Variants in HDAC4 observed in about 807,000 individuals in gnomAD.
HDAC4 encodes histone deacetylase 4.
Under a neutral mutation model 135.1 loss-of-function variants are expected in HDAC4, and 16 were observed. The observed-to-expected ratio is 0.12, with a 90% CI of 0.08 to 0.18. The LOEUF (loss-of-function observed/expected upper bound fraction) is 0.18, where lower values mean the gene tolerates loss of function less well. Ranked by LOEUF, HDAC4 falls within the 10% of genes least tolerant of loss-of-function variation. The pLI is 1.00. For missense variants in HDAC4, 1,143 were observed against 1,511.8 expected, an observed-to-expected ratio of 0.76 and a Z score of 4.05; for synonymous variants, 685 against 653.4, an observed-to-expected ratio of 1.05 and a Z score of -0.74.
rs1298461346 is a variant in HDAC4, at chr2:239,052,899, A to G, written c.*198T>C. The G allele has an allele frequency of 1.6e-6, 1 of 636,622 alleles. No homozygotes were observed. Among genetic ancestry groups the G allele is most frequent in the African/African-American group, 1.8e-5 (1 of 54,884 alleles). 39.4% of individuals were successfully genotyped at this position (636,622 alleles called of 1,614,324 possible). ...GTCCCGTGTTCCCTGTGAGGCTGCC[A>G]CGCCCAGGCGTGCATGTGCGTCTCG... On this transcript the variant is annotated 3_prime_UTR_variant, in exon 27 of 27. Coordinates refer to ENST00000543185, the MANE Select transcript of HDAC4 (RefSeq NM_001378414.1).
rs148936932 is a variant in HDAC4, at chr2:239,117,037, A to G, written c.1534-1727T>C. Among the ~76,000 whole-genome samples, 786 of 152,278 alleles carry G rather than the reference A, an allele frequency of 5.2e-3. 14 individuals are homozygous for G. Among genetic ancestry groups the G allele is most frequent in the African/African-American group, 0.018 (768 of 41,544 alleles). ...GGTAGGGACCACTTCTGACTCATCC[A>G]CGTGGCACAGGCATTGCTCATCGCA... On this transcript the variant is annotated intron_variant, in intron 12 of 26. Transcript: ENST00000543185.
intron 16 of HDAC4, among the ~76,000 whole-genome samples, chr2:239,101,696 C>T (rs1166063037): frequency 1.3e-5 from 2 of 152,148 alleles, no homozygotes; most frequent in Non-Finnish European, 2.9e-5. Context: ...CAGGGAAAGA[C>T]GTTATCGAGG....
chr2:239,386,052 G>A (rs1184467925), intron 1 of HDAC4, among the ~76,000 whole-genome samples: 1 of 152,184 alleles, frequency 6.6e-6, no homozygotes, highest in African/African-American at 2.4e-5. Context: ...AACCCTGGAA[G>A]ACCCGGCAGG....
intron 20 of HDAC4, among the ~76,000 whole-genome samples, chr2:239,082,709 G>C (rs2035461621): frequency 6.6e-6 from 1 of 152,242 alleles, no homozygotes; most frequent in Non-Finnish European, 1.5e-5. Flanking sequence ...CAGGAGACAA[G>C]TCCCAGGTGT....
intron 5 of HDAC4, among the ~76,000 whole-genome samples, chr2:239,164,897 C>T (rs979940316): frequency 1.3e-5 from 2 of 152,204 alleles, no homozygotes; most frequent in South Asian, 4.1e-4. Context: ...TTCTAACCCT[C>T]GGCACATCTT....
At chr2:239,073,207 A>C (rs2034374279) in intron 22 of HDAC4, among the ~76,000 whole-genome samples, 2 of 152,228 alleles carry the variant, frequency 1.3e-5, no homozygotes, top group South Asian at 2.1e-4. Flanking sequence ...GCTTCTGAGC[A>C]GTCTGCTTCT....
rs564634607 is a variant in HDAC4 at position 239,389,711 on chromosome 2, G to A, written c.-220+11267C>T. 1.6e-4 allele frequency among the ~76,000 whole-genome samples: 25 copies of A among 152,290 alleles called. No individual in the cohort carries two copies. In the South Asian group the frequency reaches 5.0e-3, roughly 30 times the overall value. ...TGCTGGGATTCATGAGGCACGAGGA[G>A]CTAAATTCACTGAGGACGCTACTGG... is the stretch of plus-strand genomic sequence containing the variant. On this transcript the variant is annotated intron_variant, in intron 1 of 26. Transcript: ENST00000543185.
intron 20 of HDAC4, among the ~76,000 whole-genome samples, chr2:239,083,343 C>T (rs1404506977): frequency 3.9e-5 from 6 of 152,200 alleles, no homozygotes; most frequent in Admixed American, 3.3e-4. Context: ...GCTCCCGGCT[C>T]GCAGGTCCTT....
chr2:239,356,999 C>G (rs1234237121), intron 1 of HDAC4, among the ~76,000 whole-genome samples: 1 of 152,156 alleles, frequency 6.6e-6, no homozygotes, highest in African/African-American at 2.4e-5. Context: ...ACAGAGAAGA[C>G]CTGACCACTA....
chr2:239,080,258 C>G (rs2035179607), intron 22 of HDAC4, among the ~76,000 whole-genome samples: 1 of 152,212 alleles, frequency 6.6e-6, no homozygotes, highest in Admixed American at 6.5e-5. Flanking sequence ...CAGAACAAGA[C>G]CATGGAGACA....
At chr2:239,125,174 G>A (rs1267104965) in intron 12 of HDAC4, among the ~76,000 whole-genome samples, 2 of 152,254 alleles carry the variant, frequency 1.3e-5, no homozygotes, top group African/African-American at 2.4e-5. Flanking sequence ...CAATACTGGA[G>A]GTGGGACCTG....
chr2:239,190,921 G>A (rs780000110), intron 3 of HDAC4: 34 of 467,452 alleles, frequency 7.3e-5, no homozygotes, highest in African/African-American at 3.0e-4. Flanking sequence ...CCCGACCTGC[G>A]CACCCCTTTT....
intron 16 of HDAC4, among the ~76,000 whole-genome samples, chr2:239,098,305 G>A (rs1467679997): frequency 1.3e-5 from 2 of 152,224 alleles, no homozygotes; most frequent in Admixed American, 6.5e-5. Flanking sequence ...CTCTGCAAAC[G>A]ACCAGCCTTA....
At chr2:239,317,470 G>T (rs187937949) in intron 2 of HDAC4, among the ~76,000 whole-genome samples, 1 of 152,080 alleles carries the variant, frequency 6.6e-6, no homozygotes, top group Non-Finnish European at 1.5e-5. Context: ...GGCGAGATTA[G>T]GACATTTTGT....
chr2:239,211,152 C>T (rs2046338409), intron 3 of HDAC4, among the ~76,000 whole-genome samples: 1 of 152,178 alleles, frequency 6.6e-6, no homozygotes. Flanking sequence ...CACTTTCTCA[C>T]AAAAAGATTC....
chr2:239,256,362 T>C (rs1559291891), intron 2 of HDAC4, among the ~76,000 whole-genome samples: 2 of 152,234 alleles, frequency 1.3e-5, no homozygotes, highest in Non-Finnish European at 2.9e-5. Flanking sequence ...AGGAAAAAAT[T>C]AGGTTTGCTT....
At chr2:239,226,351 A>G (rs1368824883) in intron 3 of HDAC4, among the ~76,000 whole-genome samples, 1 of 152,138 alleles carries the variant, frequency 6.6e-6, no homozygotes, top group Non-Finnish European at 1.5e-5. Context: ...CCTGAGAGAT[A>G]CTCAGTGAGA....
At chr2:239,293,170 C>T (rs2051632912) in intron 2 of HDAC4, among the ~76,000 whole-genome samples, 2 of 152,100 alleles carry the variant, frequency 1.3e-5, no homozygotes, top group African/African-American at 2.4e-5. Context: ...AAGGGCATCC[C>T]GTGAGGAATT....
At chr2:239,153,869 G>A (rs573514084) in intron 7 of HDAC4, among the ~76,000 whole-genome samples, 85 of 152,340 alleles carry the variant, frequency 5.6e-4, no homozygotes, top group African/African-American at 1.9e-3. Context: ...GAGAGATGGC[G>A]CGGGCCCTGC....
Sources: allele counts gnomAD v4.1 joint callset (sites outside exome capture counted in the v4.1 genomes callset), GRCh38; gene constraint gnomAD v4.1.1; transcripts MANE v1.5; gene names NCBI Gene and HGNC (gene_info 2026-07-23, HGNC 2026-07-21).